MTUS2: variants seen among roughly 807,000 people sequenced by gnomAD.
MTUS2 encodes the protein microtubule associated scaffold protein 2.
A neutral mutation model predicts 114.1 loss-of-function variants in MTUS2; 40 were observed. The observed-to-expected ratio is 0.35, with a 90% CI of 0.27 to 0.46. The LOEUF (loss-of-function observed/expected upper bound fraction) is 0.46. MTUS2 is among the 20% of genes least tolerant of loss of function. MTUS2 has a pLI of 1.00. For missense variants in MTUS2, 1,679 were observed against 1,705.4 expected (o/e 0.98, Z 0.27); for synonymous variants, 688 against 672.0 (o/e 1.02, Z -0.37).
chr13:29,183,451 C>G (rs73166467), intron 5 of MTUS2, among the ~76,000 whole-genome samples: 22,096 of 152,068 alleles, frequency 0.15, 1,827 homozygotes, highest in East Asian at 0.31. Context: ...ATCTATTAGA[C>G]TTCTAAATGG....
chr13:28,910,979 C>G (rs770999435), intron 2 of MTUS2, among the ~76,000 whole-genome samples: 11 of 138,390 alleles, frequency 7.9e-5, no homozygotes, highest in Non-Finnish European at 1.2e-4. Flanking sequence ...AGGTTCACAC[C>G]ATTCTTCTGC....
At chr13:29,335,696 A>C (rs9579343) in intron 7 of MTUS2, among the ~76,000 whole-genome samples, 40,793 of 152,108 alleles carry the variant, frequency 0.27, 6,265 homozygotes, top group African/African-American at 0.43. Flanking sequence ...AGAAAAGAAC[A>C]TATGTGAATT....
chr13:29,168,215 T>C (rs964709455), intron 5 of MTUS2, among the ~76,000 whole-genome samples: 21 of 152,230 alleles, frequency 1.4e-4, no homozygotes, highest in Non-Finnish European at 2.8e-4. Flanking sequence ...AAGAAACTGC[T>C]GACTTTTCAA....
chr13:29,338,364 A>G (rs1901192664), intron 7 of MTUS2, among the ~76,000 whole-genome samples: 1 of 152,064 alleles, frequency 6.6e-6, no homozygotes, highest in South Asian at 2.1e-4. Flanking sequence ...AGGCAGATGG[A>G]TTGCCTGAGC....
At chr13:28,996,748 C>G (rs1403550498) in intron 2 of MTUS2, among the ~76,000 whole-genome samples, 1 of 152,028 alleles carries the variant, frequency 6.6e-6, no homozygotes, top group African/African-American at 2.4e-5. Flanking sequence ...GATGATATCC[C>G]CTTTGTCATT....
At chr13:28,960,126 A>C (rs955652611) in intron 2 of MTUS2, among the ~76,000 whole-genome samples, 1 of 152,216 alleles carries the variant, frequency 6.6e-6, no homozygotes, top group Non-Finnish European at 1.5e-5. Context: ...CTTCAATAAC[A>C]CACAAAAAAA....
intron 8 of MTUS2, among the ~76,000 whole-genome samples, chr13:29,382,091 T>C (rs180770550): frequency 6.6e-6 from 1 of 152,018 alleles, no homozygotes; most frequent in African/African-American, 2.4e-5. Flanking sequence ...TGAACATAAA[T>C]ATAAAAGGCA....
intron 9 of MTUS2, among the ~76,000 whole-genome samples, chr13:29,446,930 C>G (rs897202396): frequency 1.3e-5 from 2 of 152,096 alleles, no homozygotes; most frequent in African/African-American, 4.8e-5. Context: ...TGAATTTGCT[C>G]ATATTTGTGT....
intron 4 of MTUS2, among the ~76,000 whole-genome samples, chr13:29,046,805 G>GCT (rs1290073517): frequency 6.6e-6 from 1 of 151,914 alleles, no homozygotes; most frequent in Admixed American, 6.6e-5. Context: ...ATCAGTACCA[G>GCT]CTCACATTCC....
intron 6 of MTUS2, among the ~76,000 whole-genome samples, chr13:29,282,281 C>T (rs1410488187): frequency 7.2e-5 from 11 of 152,214 alleles, no homozygotes; most frequent in Admixed American, 2.0e-4. Flanking sequence ...TGCCATGCTC[C>T]TGCTGGCTCT....
rs1336605029 is a variant in MTUS2 at position 29,148,560 on chromosome 13, G to A, written c.2644+47590G>A. Among the ~76,000 whole-genome samples the A allele has an allele frequency of 6.5e-5, 7 of 107,314 alleles. 3 individuals carry two copies. Among genetic ancestry groups the A allele is most frequent in the Non-Finnish European group, 1.5e-4 (7 of 47,962 alleles). The allele number at this position is 107,314 out of a possible 152,430, so 70.4% of individuals were successfully genotyped here. ...GTGGTGGGACCTCGGCTCACTGCAA[G>A]CTCCGCCTCCCGGGTTCACGCCATT... On this transcript the variant is annotated intron_variant, in intron 5 of 15. Coordinates refer to ENST00000612955, the MANE Select transcript of MTUS2 (RefSeq NM_001033602.4).
chr13:29,416,758 A>G (rs967004200), intron 8 of MTUS2, among the ~76,000 whole-genome samples: 1 of 152,058 alleles, frequency 6.6e-6, no homozygotes, highest in Non-Finnish European at 1.5e-5. Flanking sequence ...ATACTGCTCT[A>G]TTTGTTGTCT....
chr13:28,970,891 C>T (rs1018883243), intron 2 of MTUS2, among the ~76,000 whole-genome samples: 3 of 152,202 alleles, frequency 2.0e-5, no homozygotes, highest in Admixed American at 1.3e-4. Context: ...TTATAGGGTC[C>T]ACCGTGCTCA....
At chr13:29,137,603 C>A (rs1166069570) in intron 5 of MTUS2, among the ~76,000 whole-genome samples, 1 of 151,264 alleles carries the variant, frequency 6.6e-6, no homozygotes, top group African/African-American at 2.4e-5. Context: ...CCTTCCCCTC[C>A]TTCTTCCTTC....
At chr13:29,029,165 A>G (rs1447245182) in intron 3 of MTUS2, among the ~76,000 whole-genome samples, 3 of 152,188 alleles carry the variant, frequency 2.0e-5, no homozygotes, top group East Asian at 1.9e-4. Flanking sequence ...GGGCCTGCCA[A>G]CAGGCCTCTG....
chr13:29,079,617 A>C (rs1889353023), intron 4 of MTUS2, among the ~76,000 whole-genome samples: 1 of 152,188 alleles, frequency 6.6e-6, no homozygotes, highest in South Asian at 2.1e-4. Context: ...CTTTCTTTGG[A>C]ATAAGTATAT....
chr13:29,167,799 T>C (rs1478475583), intron 5 of MTUS2, among the ~76,000 whole-genome samples: 2 of 152,144 alleles, frequency 1.3e-5, no homozygotes, highest in Admixed American at 6.5e-5. Flanking sequence ...AGTCAGTAAG[T>C]ATAATGCAAA....
At position 29,055,909 on chromosome 13, in the gene MTUS2, T is replaced by C. The variant is rs941420987; in HGVS notation, c.2446+21784T>C. ...GCCCACTTTTAAATGGGATTGCTTG[T>C]TTTTTTTTCTTTTGAATTTGTTTAA... On this transcript the variant is annotated intron_variant, in intron 4 of 15. Transcript: ENST00000612955. Among the ~76,000 whole-genome samples, 132 of 151,316 alleles carry C rather than the reference T, an allele frequency of 8.7e-4. 1 individual carries two copies. Among genetic ancestry groups the C allele is most frequent in the Non-Finnish European group, 1.6e-3 (110 of 67,658 alleles).
intron 2 of MTUS2, among the ~76,000 whole-genome samples, chr13:29,000,751 G>A (rs984133886): frequency 2.6e-5 from 4 of 152,148 alleles, no homozygotes; most frequent in African/African-American, 9.7e-5. Flanking sequence ...CCTCACATCT[G>A]AGCCATCACC....
Sources: allele counts gnomAD v4.1 joint callset (sites outside exome capture counted in the v4.1 genomes callset), GRCh38; gene constraint gnomAD v4.1.1; transcripts MANE v1.5; gene names NCBI Gene and HGNC (gene_info 2026-07-23, HGNC 2026-07-21).